The following ANXA11 variants were observed in gnomAD, a reference collection of about 807,000 sequenced individuals.
ANXA11 encodes the protein 56 kDa autoantigen.
A neutral mutation model predicts 64.7 loss-of-function variants in ANXA11; 57 were observed. The ratio of observed to expected loss-of-function variants is 0.88; its 90% CI spans 0.71 to 1.10. ANXA11 has a LOEUF of 1.10. Ranked by LOEUF, ANXA11 falls within the 50% of genes least tolerant of loss-of-function variation. The probability of loss-of-function intolerance (pLI) is 0.00; values close to 1 mark genes in which losing one functional copy is unlikely to be tolerated. For synonymous variants in ANXA11, 260 were observed against 265.2 expected, an observed-to-expected ratio of 0.98 and a Z score of 0.19; for missense variants, 675 against 670.7, an observed-to-expected ratio of 1.01 and a Z score of -0.07.
chr10:80,204,617 A>G (rs540832303), intron 1 of ANXA11, among the ~76,000 whole-genome samples: 1 of 152,328 alleles, frequency 6.6e-6, no homozygotes, highest in African/African-American at 2.4e-5. Context: ...TTTCCCCTCC[A>G]AAGTCTCTAG....
chr10:80,162,028 C>T lies in ANXA11; in HGVS notation c.1087G>A (p.Glu363Lys). The change falls in exon 12 of 16, where the codon GAG becomes AAG. Residue 363 changes from glutamate to lysine, a missense_variant and splice_region_variant. By Grantham distance (56) the Glu-to-Lys change is moderately conservative. Coordinates refer to ENST00000422982, the MANE Select transcript of ANXA11 (RefSeq NM_145868.2). ...CGGTTCTCCCCGGCCGCATACAGCT[C>T]CTGGAGAGAGAGGAAGACGCACATG... The part of the protein sequence containing the change: ...DMSLAQRDAQ[E>K]LYAAGENRLG... 1 of 1,609,592 alleles carries T rather than the reference C, an allele frequency of 6.2e-7. No homozygotes were observed. Among genetic ancestry groups the T allele is most frequent in the South Asian group, 1.1e-5 (1 of 91,042 alleles).
At chr10:80,168,818 T>C in intron 5 of ANXA11, 151 bp downstream of exon 5, 1 of 920,238 alleles carries the variant, frequency 1.1e-6, no homozygotes, top group Non-Finnish European at 1.5e-6. Context: ...ATTACAGGCA[T>C]GAGTCACTGC....
Position 80,166,040 on chromosome 10 carries a change from G to A in ANXA11, c.858+44C>T, listed in dbSNP as rs11201949. ...CGCATGCGCGCGTGCGCACACACGC[G>A]CGCACACACACACACACACACACAC... is the stretch of plus-strand genomic sequence containing the variant. On this transcript the variant is annotated intron_variant, in intron 8 of 15. Transcript: ENST00000422982. 3,644 of 1,076,304 alleles carry A rather than the reference G, an allele frequency of 3.4e-3. 9 individuals carry two copies. The highest frequency in any genetic ancestry group is 0.014 in the South Asian group (954 of 69,504). The allele number at this position is 1,076,304 out of a possible 1,614,324, so 66.7% of individuals were successfully genotyped here. A position where few individuals can be genotyped will look rare whatever the true frequency, so the allele number is the denominator to read the frequency against.
At chr10:80,171,125 G>C (rs1293562266) in intron 3 of ANXA11, 2 of 1,477,066 alleles carry the variant, frequency 1.4e-6, no homozygotes, top group Admixed American at 4.5e-5. Context: ...CCTCTTCCCA[G>C]GGAGGAAGGT....
intron 3 of ANXA11, chr10:80,171,588 G>C (rs1018557659): frequency 1.0e-6 from 1 of 970,082 alleles, no homozygotes; most frequent in South Asian, 4.8e-5. Context: ...TGCCTAGACT[G>C]CTGTGACGAA....
At position 80,157,667 on chromosome 10, in the gene ANXA11, C is replaced by A. The variant is rs774676209; in HGVS notation, c.1432G>T (p.Gly478Cys). 1 of 1,613,792 alleles carries A rather than the reference C, an allele frequency of 6.2e-7. No homozygotes were observed. Among genetic ancestry groups the A allele is most frequent in the South Asian group, 1.1e-5 (1 of 91,068 alleles). The change falls in exon 15 of 16, where the codon GGC becomes TGC. Residue 478 changes from glycine to cysteine, a missense_variant. By Grantham distance (159) the Gly-to-Cys change is radical. Coordinates refer to ENST00000422982, the MANE Select transcript of ANXA11 (RefSeq NM_145868.2). ...GAGATGTCGTGGTACAGCGACTTGC[C>A]GTACATCCGCTTATACTCTGATCTG... ...DIRSEYKRMY[G>C]KSLYHDISGD...
At chr10:80,162,599 C>A (rs1845558281) in intron 11 of ANXA11, among the ~76,000 whole-genome samples, 1 of 152,224 alleles carries the variant, frequency 6.6e-6, no homozygotes, top group Admixed American at 6.5e-5. Context: ...AAAAGGAGGA[C>A]CAGCAAAAGG....
intron 1 of ANXA11, among the ~76,000 whole-genome samples, chr10:80,193,742 G>A (rs1186923541): frequency 1.3e-5 from 2 of 149,072 alleles, no homozygotes; most frequent in East Asian, 4.0e-4. Flanking sequence ...TACTCGGGAG[G>A]CTGGGGCTGC....
rs962635020 is a variant in ANXA11 at position 80,158,998 on chromosome 10, C to T, written c.1276+102G>A. On this transcript the variant is annotated intron_variant, in intron 13 of 15. Coordinates refer to ENST00000422982, the MANE Select transcript of ANXA11 (RefSeq NM_145868.2). ...CTGAGCGATCTTGGATCCTGTGGTC[C>T]CTTCACGGTGTCACCCATCAGCTGG... is the stretch of plus-strand genomic sequence containing the variant. 3.6e-6 allele frequency: 3 copies of T among 842,566 alleles called. No individual in the cohort carries two copies. The African/African-American group carries it at 5.0e-5, about 14-fold the overall frequency. 52.2% of individuals were successfully genotyped at this position (842,566 alleles called of 1,614,324 possible).
intron 12 of ANXA11, among the ~76,000 whole-genome samples, chr10:80,160,053 C>T (rs1213532077): frequency 4.6e-5 from 7 of 152,194 alleles, no homozygotes; most frequent in Non-Finnish European, 1.0e-4. Context: ...TTGGTCCTGA[C>T]TCCAGTTCTG....
chr10:80,168,954 T>G lies in ANXA11; in HGVS notation c.561+15A>C. 1 of 1,510,286 alleles carries G rather than the reference T, an allele frequency of 6.6e-7. No individual in the cohort carries two copies. The highest frequency in any genetic ancestry group is 8.8e-7 in the Non-Finnish European group (1 of 1,134,194). The allele number at this position is 1,510,286 out of a possible 1,614,324, so 93.6% of individuals were successfully genotyped here. A position where few individuals can be genotyped will look rare whatever the true frequency, so the allele number is the denominator to read the frequency against. On this transcript the variant is annotated intron_variant, in intron 5 of 15. Transcript: ENST00000422982. Reference sequence around the variant, plus strand: ...CCCAGGCCTGGACCAAGGGAGGCAGTGGGCTGACACTCACCTGGGTTGGGG... The same window carrying G: ...CCCAGGCCTGGACCAAGGGAGGCAGGGGGCTGACACTCACCTGGGTTGGGG...
intron 8 of ANXA11, among the ~76,000 whole-genome samples, chr10:80,164,628 G>A (rs949011170): frequency 4.6e-5 from 7 of 152,182 alleles, no homozygotes; most frequent in East Asian, 1.9e-4. Context: ...AGGATGAATC[G>A]GACAACCACG....
In ANXA11 at chr10:80,162,725, GC is replaced by G. The variant is rs1412971197; in HGVS notation, c.1086+623del. Among the ~76,000 whole-genome samples the G allele has an allele frequency of 4.6e-5, 7 of 152,322 alleles. No individual in the cohort carries two copies. In the East Asian group the frequency reaches 1.2e-3, roughly 25 times the overall value. On this transcript the variant is annotated intron_variant, in intron 11 of 15. Coordinates refer to ENST00000422982, the MANE Select transcript of ANXA11 (RefSeq NM_145868.2). ...AGACCACTGGCAGCTCCTGGTGAAT[GC>G]CCTGCCGTGGATGACAAGAGCAGTG...
intron 1 of ANXA11, among the ~76,000 whole-genome samples, chr10:80,201,813 G>A (rs1217341136): frequency 1.3e-5 from 2 of 152,120 alleles, no homozygotes; most frequent in Non-Finnish European, 2.9e-5. Flanking sequence ...TCCCCAGGCT[G>A]GATATGCCAT....
chr10:80,188,480 C>CATATATATATATATATATATATATATAT (rs71034291), intron 1 of ANXA11, among the ~76,000 whole-genome samples: 2 of 100,574 alleles, frequency 2.0e-5, no homozygotes, highest in African/African-American at 3.8e-5. Context: ...AGTATTCTCA[C>CATATATATATATATATATATATATATAT]ATATATATAT....
intron 5 of ANXA11, among the ~76,000 whole-genome samples, chr10:80,168,130 G>A (rs1845819966): frequency 7.2e-6 from 1 of 138,330 alleles, no homozygotes; most frequent in Non-Finnish European, 1.6e-5. Flanking sequence ...CCATGACAAC[G>A]AATTCTAGGC....
rs145787160 is a variant in ANXA11, at chr10:80,186,242, G to A, written c.-57-10087C>T. Among the ~76,000 whole-genome samples, 623 of 152,078 alleles carry A rather than the reference G, an allele frequency of 4.1e-3. 5 individuals are homozygous for A. Among genetic ancestry groups the A allele is most frequent in the African/African-American group, 0.014 (583 of 41,454 alleles). ...CTCCAAAACAAAATAAGAAAGAGAG[G>A]ACCCTGGGCTATTTGATAATGCCCA... On this transcript the variant is annotated intron_variant, in intron 1 of 15. Coordinates refer to ENST00000422982, the MANE Select transcript of ANXA11 (RefSeq NM_145868.2).
intron 1 of ANXA11, among the ~76,000 whole-genome samples, chr10:80,180,644 G>GTT (rs5786436): frequency 2.2e-4 from 33 of 147,824 alleles, no homozygotes; most frequent in Admixed American, 6.7e-4. Context: ...TTGTATATTA[G>GTT]TTTTTTTTTT....
intron 12 of ANXA11, among the ~76,000 whole-genome samples, chr10:80,160,072 C>T (rs1360935176): frequency 6.6e-6 from 1 of 152,200 alleles, no homozygotes; most frequent in East Asian, 1.9e-4. Flanking sequence ...TGACCCAGGA[C>T]ATAAAACTCT....
Sources: allele counts gnomAD v4.1 joint callset (sites outside exome capture counted in the v4.1 genomes callset), GRCh38; gene constraint gnomAD v4.1.1; transcripts MANE v1.5; gene names NCBI Gene and HGNC (gene_info 2026-07-23, HGNC 2026-07-21).